The following SH3GL2 variants were observed in gnomAD, a reference collection of about 807,000 sequenced individuals.
SH3GL2 encodes the protein SH3 domain containing GRB2 like 2, endophilin A1.
A neutral mutation model predicts 46.0 loss-of-function variants in SH3GL2; 24 were observed. The observed-to-expected ratio is 0.52, with a 90% confidence interval of 0.38 to 0.73. SH3GL2 has a LOEUF of 0.73. SH3GL2 is among the 30% of genes least tolerant of loss of function. The pLI is 0.00. For missense variants in SH3GL2, 413 were observed against 424.2 expected, an observed-to-expected ratio of 0.97 and a Z score of 0.23; for synonymous variants, 196 against 147.1, an observed-to-expected ratio of 1.33 and a Z score of -2.40.
rs1463217566 is a variant in SH3GL2 at position 17,747,062 on chromosome 9, A to G, written c.46-4A>G. On this transcript the variant is annotated splice_region_variant and splice_polypyrimidine_tract_variant and intron_variant, in intron 1 of 8. Transcript: ENST00000380607. Reference sequence around the variant, plus strand: ...TAATTCTCCTTTGTGGTTATTTTCTACAGAAAGTGAGTGAGAAGGTTGGAG... The same window carrying G: ...TAATTCTCCTTTGTGGTTATTTTCTGCAGAAAGTGAGTGAGAAGGTTGGAG... The G allele has an allele frequency of 4.4e-6, 7 of 1,588,366 alleles. No homozygotes were observed. Among genetic ancestry groups the G allele is most frequent in the Admixed American group, 3.4e-5 (2 of 59,366 alleles).
chr9:17,608,567 T>C (rs1311896831), intron 1 of SH3GL2, among the ~76,000 whole-genome samples: 1 of 152,224 alleles, frequency 6.6e-6, no homozygotes, highest in Non-Finnish European at 1.5e-5. Flanking sequence ...GAAGTGACAA[T>C]GTGTTGATGG....
intron 1 of SH3GL2, among the ~76,000 whole-genome samples, chr9:17,740,545 G>C (rs1822497316): frequency 6.6e-6 from 1 of 151,226 alleles, no homozygotes; most frequent in African/African-American, 2.4e-5. Flanking sequence ...TTTGCACAGA[G>C]TCAGAGGATG....
intron 1 of SH3GL2, among the ~76,000 whole-genome samples, chr9:17,594,890 A>G (rs915665430): frequency 2.0e-5 from 3 of 152,170 alleles, no homozygotes; most frequent in African/African-American, 4.8e-5. Context: ...AGGGGGTCCT[A>G]TGCATATATT....
intron 1 of SH3GL2, among the ~76,000 whole-genome samples, chr9:17,661,682 G>A (rs1327233764): frequency 1.3e-5 from 2 of 152,164 alleles, no homozygotes; most frequent in Non-Finnish European, 2.9e-5. Context: ...GGGTATTGAT[G>A]TAATCTTTTT....
intron 1 of SH3GL2, among the ~76,000 whole-genome samples, chr9:17,629,623 C>A (rs1390671692): frequency 6.6e-6 from 1 of 152,120 alleles, no homozygotes; most frequent in Admixed American, 6.5e-5. Flanking sequence ...ATTTAAAGAA[C>A]CAAGATACTG....
chr9:17,679,218 T>TGG (rs1170793053), intron 1 of SH3GL2, among the ~76,000 whole-genome samples: 1 of 152,194 alleles, frequency 6.6e-6, no homozygotes, highest in Non-Finnish European at 1.5e-5. Flanking sequence ...TAAATTACCT[T>TGG]GGGCAGTATG....
intron 1 of SH3GL2, among the ~76,000 whole-genome samples, chr9:17,663,681 A>G (rs1419006114): frequency 6.6e-6 from 1 of 152,236 alleles, no homozygotes; most frequent in Non-Finnish European, 1.5e-5. Context: ...AGGCTGGTAT[A>G]AATTTACTGA....
chr9:17,582,955 C>T (rs890231149), intron 1 of SH3GL2, among the ~76,000 whole-genome samples: 1 of 152,186 alleles, frequency 6.6e-6, no homozygotes, highest in Non-Finnish European at 1.5e-5. Flanking sequence ...GGACCCCAGT[C>T]ATATAGGATT....
chr9:17,735,083 A>G (rs1307095838), intron 1 of SH3GL2, among the ~76,000 whole-genome samples: 1 of 152,064 alleles, frequency 6.6e-6, no homozygotes, highest in Non-Finnish European at 1.5e-5. Context: ...CACTTTTGCC[A>G]CATCATGAGA....
rs191013752 is a variant in SH3GL2 at position 17,765,802 on chromosome 9, C to T, written c.187+4293C>T. On this transcript the variant is annotated intron_variant, in intron 3 of 8. Coordinates refer to ENST00000380607, the MANE Select transcript of SH3GL2 (RefSeq NM_003026.5). ...ACTTGTGGTTTTGTTTTTCATCCGC[C>T]ATGAGTTCAGCACTGTGCCTGTCTT... Among the ~76,000 whole-genome samples, 898 of 152,234 alleles carry T rather than the reference C, an allele frequency of 5.9e-3. 5 individuals are homozygous for T. Among genetic ancestry groups the T allele is most frequent in the Non-Finnish European group, 8.6e-3 (583 of 68,016 alleles).
chr9:17,762,710 T>G (rs901038322), intron 3 of SH3GL2, among the ~76,000 whole-genome samples: 2 of 152,206 alleles, frequency 1.3e-5, no homozygotes, highest in African/African-American at 4.8e-5. Context: ...CTAGATACAT[T>G]TTCAAATGCT....
At chr9:17,691,892 C>T (rs750020125) in intron 1 of SH3GL2, among the ~76,000 whole-genome samples, 2 of 152,002 alleles carry the variant, frequency 1.3e-5, no homozygotes, top group Admixed American at 6.6e-5. Context: ...GCCTGATGTT[C>T]TTTGAGAGTA....
At chr9:17,608,167 A>G (rs1023793293) in intron 1 of SH3GL2, among the ~76,000 whole-genome samples, 1 of 18,388 alleles carries the variant, frequency 5.4e-5, no homozygotes, top group Non-Finnish European at 2.4e-4. Flanking sequence ...TTTTTTTTTG[A>G]GATGGAGTCT....
At chr9:17,754,428 C>T (rs938789066) in intron 2 of SH3GL2, among the ~76,000 whole-genome samples, 1 of 152,088 alleles carries the variant, frequency 6.6e-6, no homozygotes, top group Non-Finnish European at 1.5e-5. Context: ...AATCCCAGCA[C>T]TTTGGGAGGC....
chr9:17,671,721 T>A (rs1400749146), intron 1 of SH3GL2, among the ~76,000 whole-genome samples: 1 of 152,180 alleles, frequency 6.6e-6, no homozygotes, highest in African/African-American at 2.4e-5. Flanking sequence ...ATTGTGCCTC[T>A]GTTCTACACA....
At chr9:17,593,696 G>T (rs1269387454) in intron 1 of SH3GL2, among the ~76,000 whole-genome samples, 1 of 152,148 alleles carries the variant, frequency 6.6e-6, no homozygotes, top group African/African-American at 2.4e-5. Context: ...GAAAAAGGAA[G>T]GTCATTTGTT....
At position 17,747,155 on chromosome 9, in the gene SH3GL2, A is replaced by G. The variant is rs374282412; in HGVS notation, c.114+21A>G. The G allele has an allele frequency of 3.3e-6, 5 of 1,523,990 alleles. No homozygotes were observed. In the African/African-American group the frequency reaches 5.5e-5, roughly 17 times the overall value. 94.4% of individuals were successfully genotyped at this position (1,523,990 alleles called of 1,614,324 possible). On this transcript the variant is annotated intron_variant, in intron 2 of 8. Coordinates refer to ENST00000380607, the MANE Select transcript of SH3GL2 (RefSeq NM_003026.5). ...AAAGGGTAAGCCTTCACTACTGCCT[A>G]GTGTTCCCTTTGACATAAACATGTC...
intron 3 of SH3GL2, among the ~76,000 whole-genome samples, chr9:17,762,213 G>A (rs1336411778): frequency 6.6e-6 from 1 of 152,066 alleles, no homozygotes. Context: ...GCACGGAAAC[G>A]GGAAGTGAGG....
chr9:17,629,473 T>C (rs76864582), intron 1 of SH3GL2, among the ~76,000 whole-genome samples: 3,036 of 152,312 alleles, frequency 0.02, 41 homozygotes, highest in Middle Eastern at 0.048. Context: ...ATTGCTAACA[T>C]ACTGCCTTTC....
Sources: allele counts gnomAD v4.1 joint callset (sites outside exome capture counted in the v4.1 genomes callset), GRCh38; gene constraint gnomAD v4.1.1; transcripts MANE v1.5; gene names NCBI Gene and HGNC (gene_info 2026-07-23, HGNC 2026-07-21).